GMDS: variants seen among roughly 807,000 people sequenced by gnomAD.
The protein encoded by GMDS is GDP-mannose 4,6 dehydratase.
In GMDS, 20 loss-of-function variants were observed where a neutral mutation model predicts 49.9. The ratio of observed to expected loss-of-function variants is 0.40; its 90% CI spans 0.28 to 0.58. The LOEUF is 0.58. GMDS is among the 20% of genes least tolerant of loss of function. The pLI is 0.42. For synonymous variants in GMDS, 177 were observed against 178.6 expected (o/e 0.99, Z 0.07); for missense variants, 362 against 481.4 (o/e 0.75, Z 2.32).
intron 1 of GMDS, among the ~76,000 whole-genome samples, chr6:2,204,929 A>G (rs1465847803): frequency 6.6e-6 from 1 of 152,228 alleles, no homozygotes; most frequent in Admixed American, 6.5e-5. Flanking sequence ...GCTAAAATTT[A>G]TGAATACCAT....
intron 9 of GMDS, among the ~76,000 whole-genome samples, chr6:1,686,076 T>C (rs1764965926): frequency 6.6e-6 from 1 of 152,094 alleles, no homozygotes; most frequent in Admixed American, 6.6e-5. Flanking sequence ...TGGCCGTGGG[T>C]CTGGTTACAG....
intron 6 of GMDS, among the ~76,000 whole-genome samples, chr6:1,959,368 A>G (rs190134348): frequency 6.6e-6 from 1 of 152,206 alleles, no homozygotes; most frequent in South Asian, 2.1e-4. Flanking sequence ...TTGTTAAAAA[A>G]CTGATTTCAA....
intron 7 of GMDS, among the ~76,000 whole-genome samples, chr6:1,907,705 G>A (rs1241723069): frequency 1.3e-5 from 2 of 152,192 alleles, no homozygotes; most frequent in African/African-American, 4.8e-5. Flanking sequence ...TTCCATGGGA[G>A]GCAGGTGAGC....
chr6:2,133,171 G>T (rs149713109), intron 1 of GMDS, among the ~76,000 whole-genome samples: 3 of 152,230 alleles, frequency 2.0e-5, no homozygotes, highest in African/African-American at 7.2e-5. Flanking sequence ...TGTCCAGTGT[G>T]CAAGGCCATG....
chr6:1,711,338 T>C (rs141416542), intron 9 of GMDS, among the ~76,000 whole-genome samples: 2 of 152,362 alleles, frequency 1.3e-5, no homozygotes, highest in Non-Finnish European at 2.9e-5. Flanking sequence ...CCTGGAAGAC[T>C]GTATTTTCAA....
In GMDS at chr6:1,928,237, C is replaced by T. The variant is rs144534532; in HGVS notation, c.771+1866G>A. Among the ~76,000 whole-genome samples, 405 of 152,074 alleles carry T rather than the reference C, an allele frequency of 2.7e-3. 1 individual carries two copies. Among genetic ancestry groups the T allele is most frequent in the African/African-American group, 9.0e-3 (374 of 41,474 alleles). ...AAAATTAGCTGGGCGTCGTGGTACG[C>T]GCCTGTAGTCCCAGCTACTCATGAG... is the stretch of plus-strand genomic sequence containing the variant. On this transcript the variant is annotated intron_variant, in intron 7 of 10. Coordinates refer to ENST00000380815, the MANE Select transcript of GMDS (RefSeq NM_001500.4).
chr6:2,086,427 A>G (rs929799758), intron 4 of GMDS, among the ~76,000 whole-genome samples: 5 of 152,206 alleles, frequency 3.3e-5, no homozygotes, highest in African/African-American at 2.4e-5. Flanking sequence ...CGATACAGAG[A>G]GCTACTCTGT....
chr6:2,020,656 C>T (rs1312874371), intron 4 of GMDS, among the ~76,000 whole-genome samples: 3 of 146,798 alleles, frequency 2.0e-5, no homozygotes, highest in Non-Finnish European at 4.5e-5. Context: ...CCCTTAATGG[C>T]AAAAAAAAAT....
chr6:1,790,542 A>C (rs1279403651), intron 7 of GMDS, among the ~76,000 whole-genome samples: 2 of 152,228 alleles, frequency 1.3e-5, no homozygotes, highest in Non-Finnish European at 2.9e-5. Context: ...ACAAGCAGAT[A>C]AAAATTTCAT....
chr6:2,210,704 C>T (rs770516735), intron 1 of GMDS, among the ~76,000 whole-genome samples: 6 of 152,080 alleles, frequency 3.9e-5, no homozygotes, highest in Non-Finnish European at 8.8e-5. Flanking sequence ...CTCCTGAACC[C>T]GCATCTCTGG....
intron 4 of GMDS, among the ~76,000 whole-genome samples, chr6:2,006,968 T>C (rs1034555275): frequency 2.0e-5 from 3 of 152,256 alleles, no homozygotes; most frequent in African/African-American, 7.2e-5. Flanking sequence ...ATCTGTCATA[T>C]AATTTCTTTT....
intron 9 of GMDS, among the ~76,000 whole-genome samples, chr6:1,699,939 C>T (rs1390121604): frequency 1.3e-5 from 2 of 152,224 alleles, no homozygotes; most frequent in Non-Finnish European, 2.9e-5. Flanking sequence ...CTGGCCTAAG[C>T]CCTGGGGCTC....
rs1554123178 is a variant in GMDS, at chr6:1,819,776, A to ATAT, written c.772-77191_772-77190insATA. 5.1e-3 allele frequency among the ~76,000 whole-genome samples: 527 copies of ATAT among 103,440 alleles called. 2 individuals carry two copies. Among genetic ancestry groups the ATAT allele is most frequent in the East Asian group, 0.021 (77 of 3,720 alleles). 67.9% of individuals were successfully genotyped at this position (103,440 alleles called of 152,430 possible). The stretch of plus-strand genomic sequence containing the variant: ...ACTCTGCCTCAAAAAAAAAAAAAAA[A>ATAT]ATATATATATATATATATATATCTA... On this transcript the variant is annotated intron_variant, in intron 7 of 10. Transcript: ENST00000380815.
At chr6:2,043,292 C>A (rs548180155) in intron 4 of GMDS, 5 of 152,260 alleles carry the variant, frequency 3.3e-5, no homozygotes, top group Non-Finnish European at 7.3e-5. Flanking sequence ...TCCTGCAAAT[C>A]TTTACTATTC....
chr6:1,887,954 T>A, intron 7 of GMDS, among the ~76,000 whole-genome samples: 1 of 152,100 alleles, frequency 6.6e-6, no homozygotes, highest in African/African-American at 2.4e-5. Flanking sequence ...TTTTTTTGTT[T>A]TGTTTTGTTT....
At chr6:2,025,120 C>T (rs1435990484) in intron 4 of GMDS, among the ~76,000 whole-genome samples, 1 of 151,882 alleles carries the variant, frequency 6.6e-6, no homozygotes, top group African/African-American at 2.4e-5. Flanking sequence ...TCAATGCAAT[C>T]ATTTAGGAAA....
At chr6:2,065,863 A>C (rs978322024) in intron 4 of GMDS, among the ~76,000 whole-genome samples, 1 of 152,200 alleles carries the variant, frequency 6.6e-6, no homozygotes, top group Non-Finnish European at 1.5e-5. Context: ...TATTATCCAG[A>C]AGAACTTCCC....
intron 1 of GMDS, among the ~76,000 whole-genome samples, chr6:2,203,645 G>C (rs1178876133): frequency 6.6e-6 from 1 of 152,090 alleles, no homozygotes; most frequent in Non-Finnish European, 1.5e-5. Context: ...TTTGGAGACA[G>C]TGGTTAACAC....
At chr6:1,728,532 C>T (rs1406933019) in intron 8 of GMDS, among the ~76,000 whole-genome samples, 1 of 152,208 alleles carries the variant, frequency 6.6e-6, no homozygotes, top group African/African-American at 2.4e-5. Context: ...TGTTCTTCCA[C>T]TGGTAAATCT....
Sources: gnomAD v4.1 joint callset for allele counts (sites outside exome capture counted in the v4.1 genomes callset) on GRCh38, gnomAD v4.1.1 for gene constraint, MANE v1.5 for transcripts, NCBI Gene and HGNC (gene_info 2026-07-23, HGNC 2026-07-21) for gene names.